Variants in ATP8A2 observed in about 807,000 individuals in gnomAD.
ATP8A2 encodes ATPase phospholipid transporting 8A2, also known as phospholipid-transporting ATPase IB.
Under a neutral mutation model 165.6 loss-of-function variants are expected in ATP8A2, and 100 were observed. That is an observed-to-expected ratio of 0.60 (90% CI 0.51 to 0.71). The LOEUF (loss-of-function observed/expected upper bound fraction) is 0.71. Among genes scored for constraint, ATP8A2 ranks in the 30% least tolerant of loss-of-function variants. The pLI is 0.00. For missense variants in ATP8A2, 1,227 were observed against 1,479.5 expected, an observed-to-expected ratio of 0.83 and a Z score of 2.80; for synonymous variants, 543 against 548.8, an observed-to-expected ratio of 0.99 and a Z score of 0.15.
intron 2 of ATP8A2, among the ~76,000 whole-genome samples, chr13:25,502,667 C>A (rs1288917105): frequency 1.3e-5 from 2 of 152,174 alleles, no homozygotes. Flanking sequence ...GCGGGTGGAT[C>A]CTCTACCTAG....
At chr13:25,473,963 ATCTT>A (rs2035919938) in intron 2 of ATP8A2, among the ~76,000 whole-genome samples, 1 of 152,216 alleles carries the variant, frequency 6.6e-6, no homozygotes, top group African/African-American at 2.4e-5. Flanking sequence ...GACATATGTA[ATCTT>A]TCTATGTGAT....
At chr13:25,592,010 A>T (rs189867194) in intron 24 of ATP8A2, among the ~76,000 whole-genome samples, 1 of 143,040 alleles carries the variant, frequency 7.0e-6, no homozygotes, top group South Asian at 2.2e-4. Context: ...TGATTTTTCC[A>T]TATTCTTGCC....
At position 26,022,223 on chromosome 13, in the gene ATP8A2, G is replaced by A. The variant is rs973643987; in HGVS notation, c.*2238G>A. The A allele has an allele frequency of 1.3e-5, 2 of 152,196 alleles. No individual in the cohort carries two copies. Among genetic ancestry groups the A allele is most frequent in the Admixed American group, 6.5e-5 (1 of 15,286 alleles). 9.4% of individuals were successfully genotyped at this position (152,196 alleles called of 1,614,324 possible). ...GATGGCCAAGATACAGAGGAGAAAC[G>A]AAAACTGGAATTGAATGTGCATTAG... On this transcript the variant is annotated 3_prime_UTR_variant, in exon 37 of 37. Coordinates refer to ENST00000381655, the MANE Select transcript of ATP8A2 (RefSeq NM_016529.6).
At chr13:25,755,037 A>G (rs1467536546) in intron 25 of ATP8A2, among the ~76,000 whole-genome samples, 2 of 152,134 alleles carry the variant, frequency 1.3e-5, no homozygotes, top group African/African-American at 4.8e-5. Flanking sequence ...TAAGAGGAAA[A>G]ACTACTTCCA....
At chr13:25,674,238 C>T (rs1241011970) in intron 24 of ATP8A2, among the ~76,000 whole-genome samples, 1 of 151,976 alleles carries the variant, frequency 6.6e-6, no homozygotes, top group Non-Finnish European at 1.5e-5. Flanking sequence ...GTTGTCTTCT[C>T]AGAACTCCTA....
At chr13:25,643,028 A>C (rs1314893153) in intron 24 of ATP8A2, among the ~76,000 whole-genome samples, 1 of 152,184 alleles carries the variant, frequency 6.6e-6, no homozygotes, top group African/African-American at 2.4e-5. Flanking sequence ...ACACTTGGAC[A>C]CAGGAAGGGG....
At chr13:26,000,468 C>T (rs546008061) in intron 35 of ATP8A2, among the ~76,000 whole-genome samples, 56 of 152,270 alleles carry the variant, frequency 3.7e-4, no homozygotes, top group African/African-American at 1.2e-3. Flanking sequence ...TAACTCAGCT[C>T]TCCACTTCTT....
chr13:25,634,071 A>G (rs931577949), intron 24 of ATP8A2, among the ~76,000 whole-genome samples: 9 of 152,168 alleles, frequency 5.9e-5, no homozygotes, highest in African/African-American at 2.2e-4. Context: ...AGTGATAGAG[A>G]CAAACAAACT....
chr13:25,994,140 A>C (rs1956446997), intron 35 of ATP8A2, among the ~76,000 whole-genome samples: 1 of 152,132 alleles, frequency 6.6e-6, no homozygotes, highest in Non-Finnish European at 1.5e-5. Context: ...CTGTGTGTTC[A>C]TTGATAATAC....
chr13:25,843,908 A>AG lies in ATP8A2; in HGVS notation c.2956+4291dup, dbSNP rs563054444. ...GGATCTGATCACTAACACCTGGCGG[A>AG]GGGGGGGACTTTTTCTCAGGGCAGG... On this transcript the variant is annotated intron_variant, in intron 30 of 36. Coordinates refer to ENST00000381655, the MANE Select transcript of ATP8A2 (RefSeq NM_016529.6). Among the ~76,000 whole-genome samples the AG allele has an allele frequency of 1.5e-3, 235 of 152,068 alleles. 1 individual carries two copies. The highest frequency in any genetic ancestry group is 5.3e-3 in the African/African-American group (221 of 41,490).
intron 12 of ATP8A2, 69 bp from the exon 13 acceptor site, chr13:25,554,922 T>C: frequency 2.0e-6 from 2 of 1,015,432 alleles, no homozygotes; most frequent in Non-Finnish European, 3.0e-6. Context: ...TTCTTTTCTG[T>C]GTTAATCTGA....
intron 25 of ATP8A2, among the ~76,000 whole-genome samples, chr13:25,751,228 A>T (rs2044147411): frequency 6.6e-6 from 1 of 152,220 alleles, no homozygotes; most frequent in African/African-American, 2.4e-5. Context: ...TGTAATAAGC[A>T]GCTCTGCTAC....
intron 24 of ATP8A2, among the ~76,000 whole-genome samples, chr13:25,596,917 G>A (rs895432216): frequency 6.6e-6 from 1 of 152,060 alleles, no homozygotes; most frequent in Non-Finnish European, 1.5e-5. Flanking sequence ...CCGGTGTTTG[G>A]TACTGTCAGT....
At chr13:25,534,075 A>G (rs1593480916) in intron 6 of ATP8A2, 1 of 460,730 alleles carries the variant, frequency 2.2e-6, no homozygotes, top group Non-Finnish European at 4.4e-6. Flanking sequence ...CATTTAATAA[A>G]CAATGTTTTT....
intron 24 of ATP8A2, chr13:25,591,372 C>T (rs1056211029): frequency 5.3e-5 from 24 of 456,518 alleles, no homozygotes; most frequent in Admixed American, 1.6e-4. Flanking sequence ...AATTTCACAG[C>T]TGTAAGTACC....
chr13:25,894,661 C>A (rs1953478105), intron 33 of ATP8A2, among the ~76,000 whole-genome samples: 1 of 152,182 alleles, frequency 6.6e-6, no homozygotes, highest in African/African-American at 2.4e-5. Context: ...TTCTTCCTAC[C>A]CATGAGCATG....
chr13:25,445,816 T>C (rs1593317174), intron 1 of ATP8A2, among the ~76,000 whole-genome samples: 2 of 151,380 alleles, frequency 1.3e-5, no homozygotes, highest in African/African-American at 4.9e-5. Context: ...GGTGATGGGG[T>C]GAGATTGATG....
chr13:25,559,818 ATTAT>A, intron 15 of ATP8A2, 53 bp downstream of exon 15: 2 of 1,273,628 alleles, frequency 1.6e-6, no homozygotes, highest in Non-Finnish European at 2.3e-6. Context: ...TTTTGGAATA[ATTAT>A]TTATTATTAT....
intron 1 of ATP8A2, among the ~76,000 whole-genome samples, chr13:25,386,724 C>T (rs9553598): frequency 0.52 from 79,541 of 151,888 alleles, 24,289 homozygotes; most frequent in Non-Finnish European, 0.68. Flanking sequence ...AGGCCGGGCA[C>T]GGAGGCTCAC....
Sources: gnomAD v4.1 joint callset for allele counts (sites outside exome capture counted in the v4.1 genomes callset) on GRCh38, gnomAD v4.1.1 for gene constraint, MANE v1.5 for transcripts, NCBI Gene and HGNC (gene_info 2026-07-23, HGNC 2026-07-21) for gene names.